The following TTC6 variants were observed in gnomAD, a reference collection of about 807,000 sequenced individuals.
TTC6 encodes tetratricopeptide repeat protein 6.
TTC6 carries 172 observed loss-of-function variants against 210.4 expected under a neutral mutation model. That is an observed-to-expected ratio of 0.82 (90% CI 0.72 to 0.93). The LOEUF (loss-of-function observed/expected upper bound fraction) is 0.93, where lower values mean the gene tolerates loss of function less well. Among genes scored for constraint, TTC6 ranks in the 40% least tolerant of loss-of-function variants. TTC6 has a pLI of 0.00. For missense variants in TTC6, 2,414 were observed against 2,318.1 expected, an observed-to-expected ratio of 1.04 and a Z score of -0.85; for synonymous variants, 804 against 819.6, an observed-to-expected ratio of 0.98 and a Z score of 0.32.
chr14:37,639,299 A>G (rs1366689070), intron 1 of TTC6, among the ~76,000 whole-genome samples: 1 of 152,222 alleles, frequency 6.6e-6, no homozygotes, highest in Non-Finnish European at 1.5e-5. Context: ...GAATGACACC[A>G]GTACAATTGG....
At chr14:37,740,993 G>T (rs971524486) in intron 10 of TTC6, among the ~76,000 whole-genome samples, 1 of 152,100 alleles carries the variant, frequency 6.6e-6, no homozygotes, top group Non-Finnish European at 1.5e-5. Context: ...ATATTATAAA[G>T]TTTTACCATT....
intron 1 of TTC6, among the ~76,000 whole-genome samples, chr14:37,672,555 C>T (rs2095760313): frequency 6.6e-6 from 1 of 152,164 alleles, no homozygotes; most frequent in Non-Finnish European, 1.5e-5. Context: ...ACTCACTCAA[C>T]AGTTGGTACA....
chr14:37,753,365 TA>T (rs1476982795), intron 14 of TTC6, 130 bp downstream of exon 16: 2 of 772,344 alleles, frequency 2.6e-6, no homozygotes, highest in African/African-American at 3.5e-5. Flanking sequence ...GTGCCACCAG[TA>T]AATGAAAAAT....
Position 37,777,411 on chromosome 14 carries a change from A to G in TTC6, c.3267-10057A>G, listed in dbSNP as rs186111194. On this transcript the variant is annotated intron_variant, in intron 14 of 30. Coordinates refer to ENST00000553443, the Ensembl canonical transcript of TTC6. ...TTCTGCTGTTAATACTTGCAATTGT[A>G]TTCTGAAATTCTTAAAGTGCTTTTT... Among the ~76,000 whole-genome samples the G allele has an allele frequency of 2.5e-3, 384 of 152,114 alleles. 2 individuals carry two copies. Among genetic ancestry groups the G allele is most frequent in the Non-Finnish European group, 2.9e-3 (200 of 67,998 alleles).
intron 25 of TTC6, among the ~76,000 whole-genome samples, chr14:37,813,075 T>TC (rs2096133322): frequency 6.6e-6 from 1 of 152,182 alleles, no homozygotes; most frequent in African/African-American, 2.4e-5. Context: ...CAATTAGAGA[T>TC]ATATAGTTAA....
chr14:37,632,106 C>A (rs542384661), intron 1 of TTC6, among the ~76,000 whole-genome samples: 1 of 152,214 alleles, frequency 6.6e-6, no homozygotes, highest in African/African-American at 2.4e-5. Context: ...CTTTCTGAAG[C>A]CTACTTCTGC....
At chr14:37,660,253 T>A (rs1449720304) in intron 1 of TTC6, among the ~76,000 whole-genome samples, 1 of 152,138 alleles carries the variant, frequency 6.6e-6, no homozygotes, top group East Asian at 1.9e-4. Flanking sequence ...AGTTCTGGGA[T>A]ACGTGTGCAG....
intron 26 of TTC6, among the ~76,000 whole-genome samples, chr14:37,822,096 A>T (rs906527983): frequency 6.6e-6 from 1 of 151,860 alleles, no homozygotes; most frequent in Non-Finnish European, 1.5e-5. Flanking sequence ...GTCTTTAAAA[A>T]CTTTGTTTGT....
chr14:37,676,711 T>C (rs555566573), intron 1 of TTC6, among the ~76,000 whole-genome samples: 4 of 152,264 alleles, frequency 2.6e-5, no homozygotes, highest in Non-Finnish European at 4.4e-5. Flanking sequence ...TACATTCAGG[T>C]ATTTGACCCA....
At chr14:37,622,582 C>T in exon 1 of TTC6, 4 of 1,534,046 alleles carry the variant, frequency 2.6e-6, no homozygotes, top group Non-Finnish European at 3.5e-6. Context: ...TCGCGGCACG[C>T]GGCTCCCAGG....
At chr14:37,725,062 G>T in intron 7 of TTC6, 60 bp downstream of exon 9, 2 of 976,656 alleles carry the variant, frequency 2.0e-6, no homozygotes, top group South Asian at 2.1e-5. Context: ...TAAATAAATT[G>T]TATAATTGGC....
intron 25 of TTC6, among the ~76,000 whole-genome samples, chr14:37,815,874 T>C (rs2096140331): frequency 6.6e-6 from 1 of 152,132 alleles, no homozygotes; most frequent in Non-Finnish European, 1.5e-5. Context: ...CTAATTACCA[T>C]GTAGTATAAT....
intron 14 of TTC6, among the ~76,000 whole-genome samples, chr14:37,764,577 G>A (rs1460013422): frequency 2.6e-5 from 4 of 151,898 alleles, no homozygotes; most frequent in Admixed American, 1.3e-4. Context: ...TCTGATATTA[G>A]CAAAGCTACT....
At chr14:37,635,604 A>G (rs1030952206) in intron 1 of TTC6, among the ~76,000 whole-genome samples, 12 of 152,214 alleles carry the variant, frequency 7.9e-5, no homozygotes, top group Non-Finnish European at 1.6e-4. Context: ...TATGAAAAAT[A>G]TATATCATGC....
chr14:37,668,160 C>T (rs543351596), intron 1 of TTC6, among the ~76,000 whole-genome samples: 1 of 150,112 alleles, frequency 6.7e-6, no homozygotes, highest in African/African-American at 2.4e-5. Flanking sequence ...GGCTGGATAC[C>T]TCCTGACTGC....
chr14:37,611,919 T>G (rs1328705273), intron 2 of TTC6, among the ~76,000 whole-genome samples: 4 of 152,058 alleles, frequency 2.6e-5, no homozygotes, highest in African/African-American at 4.8e-5. Context: ...CAAGGATTGT[T>G]GGCATTGAAA....
At chr14:37,827,244 T>C (rs1339471628) in exon 29 of TTC6, 2 of 1,612,876 alleles carry the variant, frequency 1.2e-6, no homozygotes, top group Non-Finnish European at 1.7e-6. Flanking sequence ...GATTCATGAG[T>C]TTATGGGCCA....
chr14:37,605,887 A>T (rs1221733410), intron 1 of TTC6, among the ~76,000 whole-genome samples: 3 of 150,264 alleles, frequency 2.0e-5, no homozygotes, highest in African/African-American at 2.5e-5. Flanking sequence ...GGATAGTTTT[A>T]TTCACAGGTT....
chr14:37,753,059 TCA>T (rs1463065902), intron 13 of TTC6, 38 bp from the exon 16 acceptor site: 3 of 1,455,028 alleles, frequency 2.1e-6, no homozygotes, highest in African/African-American at 1.4e-5. Flanking sequence ...TCATTTTTTT[TCA>T]TTTTGTGATG....
Sources: allele counts gnomAD v4.1 joint callset (sites outside exome capture counted in the v4.1 genomes callset), GRCh38; gene constraint gnomAD v4.1.1; transcripts MANE v1.5; gene names NCBI Gene and HGNC (gene_info 2026-07-23, HGNC 2026-07-21).